ARHGAP39: variants seen among roughly 807,000 people sequenced by gnomAD.
ARHGAP39 encodes rho GTPase-activating protein 39.
Under a neutral mutation model 106.9 loss-of-function variants are expected in ARHGAP39, and 44 were observed. That is an observed-to-expected ratio of 0.41 (90% confidence interval 0.32 to 0.53). The LOEUF (loss-of-function observed/expected upper bound fraction) is 0.53, where lower values mean the gene tolerates loss of function less well. Ranked by LOEUF, ARHGAP39 falls within the 20% of genes least tolerant of loss-of-function variation. ARHGAP39 has a pLI of 0.21. For missense variants in ARHGAP39, 1,496 were observed against 1,577.3 expected, an observed-to-expected ratio of 0.95 and a Z score of 0.87; for synonymous variants, 768 against 693.2, an observed-to-expected ratio of 1.11 and a Z score of -1.69.
chr8:144,689,569 T>C (rs1162213784), upstream of ARHGAP39, among the ~76,000 whole-genome samples: 1 of 149,764 alleles, frequency 6.7e-6, no homozygotes, highest in African/African-American at 2.5e-5. Context: ...CCCGAGTAGC[T>C]GGGAGTACAG....
At chr8:144,575,674 A>T (rs916256834) in intron 3 of ARHGAP39, among the ~76,000 whole-genome samples, 1 of 149,130 alleles carries the variant, frequency 6.7e-6, no homozygotes, top group African/African-American at 2.5e-5. Context: ...TCCAGCTAAC[A>T]TTTTTTTTTT....
At chr8:144,601,043 T>C (rs1216081813) in intron 2 of ARHGAP39, among the ~76,000 whole-genome samples, 2 of 144,894 alleles carry the variant, frequency 1.4e-5, no homozygotes, top group East Asian at 4.3e-4. Flanking sequence ...TACCTGTGTG[T>C]GCACATGGAG....
At chr8:144,595,338 G>A (rs1819576740) in intron 2 of ARHGAP39, among the ~76,000 whole-genome samples, 2 of 152,150 alleles carry the variant, frequency 1.3e-5, no homozygotes, top group African/African-American at 2.4e-5. Flanking sequence ...AGGACCACTC[G>A]TATGATTCCA....
rs182554374 is a variant in ARHGAP39, at chr8:144,601,598, G to A, written c.80+3937C>T. On this transcript the variant is annotated intron_variant, in intron 2 of 11. Coordinates refer to ENST00000377307, the MANE Select transcript of ARHGAP39 (RefSeq NM_025251.3). ...TGCATGTGCGTGGAGGTGTGTGTGC[G>A]AGCTCATGTATCTGTGTGTGCATGG... Among the ~76,000 whole-genome samples, 309 of 138,770 alleles carry A rather than the reference G, an allele frequency of 2.2e-3. 1 individual carries two copies. The highest frequency in any genetic ancestry group is 3.5e-3 in the Non-Finnish European group (230 of 64,916). 91.0% of individuals were successfully genotyped at this position (138,770 alleles called of 152,430 possible).
At chr8:144,686,375 GC>G, upstream of ARHGAP39, among the ~76,000 whole-genome samples, 1 of 152,166 alleles carries the variant, frequency 6.6e-6, no homozygotes, top group African/African-American at 2.4e-5. Flanking sequence ...GCTCTATTCG[GC>G]GTTTTCTAAT....
At chr8:144,566,754 C>A (rs755637677) in intron 3 of ARHGAP39, among the ~76,000 whole-genome samples, 8 of 151,630 alleles carry the variant, frequency 5.3e-5, no homozygotes, top group Non-Finnish European at 1.2e-4. Flanking sequence ...ACTTGGGAGA[C>A]TGGGGCAGGA....
At chr8:144,598,988 G>A (rs982593016) in intron 2 of ARHGAP39, among the ~76,000 whole-genome samples, 2 of 152,228 alleles carry the variant, frequency 1.3e-5, no homozygotes, top group African/African-American at 4.8e-5. Context: ...AATACACGGA[G>A]GGTAACTACT....
At chr8:144,589,792 C>A (rs1011683899) in intron 2 of ARHGAP39, among the ~76,000 whole-genome samples, 2 of 152,242 alleles carry the variant, frequency 1.3e-5, no homozygotes, top group Non-Finnish European at 2.9e-5. Context: ...GAATCAGCAG[C>A]CCTGGGCACA....
intron 2 of ARHGAP39, among the ~76,000 whole-genome samples, chr8:144,581,882 G>A (rs1237977552): frequency 6.6e-6 from 1 of 152,204 alleles, no homozygotes; most frequent in Non-Finnish European, 1.5e-5. Context: ...TAACGTTTCT[G>A]AGGCCTCTTC....
intron 2 of ARHGAP39, among the ~76,000 whole-genome samples, chr8:144,596,263 G>A (rs1389181580): frequency 2.0e-5 from 3 of 147,870 alleles, no homozygotes; most frequent in Admixed American, 1.3e-4. Context: ...GGGCAGAGGG[G>A]GACGGCTGAG....
chr8:144,588,894 G>A (rs1437144326), intron 2 of ARHGAP39, among the ~76,000 whole-genome samples: 3 of 152,368 alleles, frequency 2.0e-5, no homozygotes, highest in East Asian at 3.9e-4. Context: ...GGCGAGGGGC[G>A]TGTCACGCAA....
At chr8:144,550,076 C>T (rs1817636282) in intron 4 of ARHGAP39, among the ~76,000 whole-genome samples, 1 of 151,976 alleles carries the variant, frequency 6.6e-6, no homozygotes, top group South Asian at 2.1e-4. Context: ...GCTTCAAGAC[C>T]AGCCTGGGCA....
At chr8:144,680,732 G>A (rs1033739143) in intron 1 of ARHGAP39, among the ~76,000 whole-genome samples, 3 of 152,110 alleles carry the variant, frequency 2.0e-5, no homozygotes, top group Non-Finnish European at 4.4e-5. Context: ...AAAAGGAGGG[G>A]AAAGCCACAC....
At chr8:144,575,754 C>G (rs1818748703) in intron 3 of ARHGAP39, among the ~76,000 whole-genome samples, 1 of 152,194 alleles carries the variant, frequency 6.6e-6, no homozygotes, top group Non-Finnish European at 1.5e-5. Context: ...CACGTATCAT[C>G]ATCATGGTCA....
chr8:144,552,167 G>A (rs930588631), intron 4 of ARHGAP39, among the ~76,000 whole-genome samples: 1 of 152,264 alleles, frequency 6.6e-6, no homozygotes, highest in Non-Finnish European at 1.5e-5. Flanking sequence ...AAATGCTGAA[G>A]TCAGGCAGGC....
intron 2 of ARHGAP39, among the ~76,000 whole-genome samples, chr8:144,583,816 T>A (rs1452963533): frequency 2.6e-5 from 4 of 152,210 alleles, no homozygotes; most frequent in Admixed American, 2.0e-4. Context: ...AACCCACATA[T>A]TATCTTCCTA....
intron 1 of ARHGAP39, among the ~76,000 whole-genome samples, chr8:144,610,711 CAAA>C (rs113580432): frequency 6.9e-6 from 1 of 144,220 alleles, no homozygotes; most frequent in Admixed American, 6.9e-5. Flanking sequence ...GACTCCGTCT[CAAA>C]AAAAAAAAAT....
intron 2 of ARHGAP39, among the ~76,000 whole-genome samples, chr8:144,592,576 G>A (rs1438203976): frequency 7.1e-6 from 1 of 141,570 alleles, no homozygotes; most frequent in Non-Finnish European, 1.5e-5. Flanking sequence ...ACCTCCTGGG[G>A]GACAGCACTG....
Position 144,658,759 on chromosome 8 carries a change from A to G in ARHGAP39, c.-82+26927T>C, listed in dbSNP as rs186817863. On this transcript the variant is annotated intron_variant, in intron 1 of 11. Transcript: ENST00000377307. ...ACCGGAGGTCCTAGCCAGTGCAATA[A>G]GGCAGGAAAAAGAAAAGGTAGAAGG... is the stretch of plus-strand genomic sequence containing the variant. 1.4e-3 allele frequency among the ~76,000 whole-genome samples: 210 copies of G among 152,302 alleles called. 1 individual carries two copies. The Middle Eastern group carries it at 0.017, about 12-fold the overall frequency.
Sources: gnomAD v4.1 joint callset for allele counts (sites outside exome capture counted in the v4.1 genomes callset) on GRCh38, gnomAD v4.1.1 for gene constraint, MANE v1.5 for transcripts, NCBI Gene and HGNC (gene_info 2026-07-23, HGNC 2026-07-21) for gene names.